Variants in PLCZ1 observed in about 807,000 individuals in gnomAD.
The protein encoded by PLCZ1 is 1-phosphatidylinositol 4,5-bisphosphate phosphodiesterase zeta-1.
A neutral mutation model predicts 76.8 loss-of-function variants in PLCZ1; 64 were observed. The observed-to-expected ratio is 0.83, with a 90% CI of 0.68 to 1.03. The LOEUF (loss-of-function observed/expected upper bound fraction) is 1.03, where lower values mean the gene tolerates loss of function less well. Among genes scored for constraint, PLCZ1 ranks in the 50% least tolerant of loss-of-function variants. The probability of loss-of-function intolerance (pLI) is 0.00; values close to 1 mark genes in which losing one functional copy is unlikely to be tolerated. For missense variants in PLCZ1, 751 were observed against 713.7 expected, an observed-to-expected ratio of 1.05 and a Z score of -0.60; for synonymous variants, 248 against 230.8, an observed-to-expected ratio of 1.07 and a Z score of -0.68.
intron 3 of PLCZ1, among the ~76,000 whole-genome samples, chr12:18,733,253 T>C (rs1180378991): frequency 6.6e-6 from 1 of 152,212 alleles, no homozygotes; most frequent in African/African-American, 2.4e-5. Flanking sequence ...TATAGCTTCT[T>C]TAGGGAAATG....
chr12:18,735,297 T>C (rs1959193585), intron 3 of PLCZ1, among the ~76,000 whole-genome samples: 1 of 152,168 alleles, frequency 6.6e-6, no homozygotes, highest in African/African-American at 2.4e-5. Context: ...CCCTCTTCTA[T>C]TTTTTAGAAG....
At chr12:18,675,039 T>C in the PLCZ1 span, among the ~76,000 whole-genome samples, 2 of 152,334 alleles carry the variant, frequency 1.3e-5, no homozygotes, top group African/African-American at 2.4e-5. Context: ...AGTCTGTAAC[T>C]ACCTTATTCA....
At chr12:18,676,349 A>G in the PLCZ1 span, among the ~76,000 whole-genome samples, 4 of 152,046 alleles carry the variant, frequency 2.6e-5, no homozygotes, top group African/African-American at 9.7e-5. Flanking sequence ...AACTGAAAGA[A>G]TCTAATATAA....
At chr12:18,660,741 T>C in the PLCZ1 span, among the ~76,000 whole-genome samples, 60,081 of 151,856 alleles carry the variant, frequency 0.4, 14,038 homozygotes, top group South Asian at 0.59. Flanking sequence ...TTCATATATA[T>C]AGCTTTCAAC....
intron 12 of PLCZ1, chr12:18,693,683 A>G (rs1419209622): frequency 2.6e-6 from 4 of 1,565,968 alleles, no homozygotes; most frequent in African/African-American, 2.7e-5. Context: ...TGGTGGTGAG[A>G]GAGAAATTCA....
At chr12:18,732,561 T>C (rs1467513743) in intron 3 of PLCZ1, among the ~76,000 whole-genome samples, 1 of 152,214 alleles carries the variant, frequency 6.6e-6, no homozygotes, top group African/African-American at 2.4e-5. Context: ...TGCTGTTCAG[T>C]AGCTCGCTGG....
rs569541538 is a variant in PLCZ1 at position 18,721,942 on chromosome 12, A to G, written c.367+1369T>C. Among the ~76,000 whole-genome samples the G allele has an allele frequency of 7.9e-5, 12 of 152,156 alleles. No individual in the cohort carries two copies. In the South Asian group the frequency reaches 1.7e-3, roughly 21 times the overall value. ...GAAGCCAAAATCTTTATTGTGGCCT[A>G]TAAGAACCTATATGGTTTGATCTCT... On this transcript the variant is annotated intron_variant, in intron 4 of 14. Transcript: ENST00000266505.
chr12:18,652,212 A>G, the PLCZ1 span, among the ~76,000 whole-genome samples: 2 of 152,154 alleles, frequency 1.3e-5, no homozygotes, highest in Non-Finnish European at 2.9e-5. Flanking sequence ...AGATGAGGTC[A>G]TATGGAGTGA....
downstream of PLCZ1, among the ~76,000 whole-genome samples, chr12:18,679,057 G>T (rs547028414): frequency 6.7e-4 from 102 of 152,152 alleles, no homozygotes; most frequent in Middle Eastern, 6.8e-3. Flanking sequence ...ATAGTGTTAA[G>T]TTGCCTTTCT....
chr12:18,721,479 T>TA (rs1347700225), intron 4 of PLCZ1, among the ~76,000 whole-genome samples: 13 of 152,040 alleles, frequency 8.6e-5, no homozygotes, highest in Non-Finnish European at 8.8e-5. Context: ...ATATTGTAGT[T>TA]AAAATGCAAA....
chr12:18,682,063 G>T (rs1565638948), downstream of PLCZ1, among the ~76,000 whole-genome samples: 1 of 152,098 alleles, frequency 6.6e-6, no homozygotes, highest in Middle Eastern at 3.4e-3. Flanking sequence ...CTAAGAATTG[G>T]CTGTGCATCC....
chr12:18,700,583 A>G (rs922687275), intron 9 of PLCZ1, among the ~76,000 whole-genome samples: 8 of 151,156 alleles, frequency 5.3e-5, no homozygotes, highest in African/African-American at 1.9e-4. Flanking sequence ...TTGAAGCTGA[A>G]ATGATATAAA....
At chr12:18,689,294 T>C (rs1286245083) in intron 12 of PLCZ1, among the ~76,000 whole-genome samples, 1 of 152,154 alleles carries the variant, frequency 6.6e-6, no homozygotes, top group South Asian at 2.1e-4. Context: ...AAAAATTATC[T>C]AATTTTGAAA....
At chr12:18,707,913 T>C (rs1956816610) in intron 6 of PLCZ1, among the ~76,000 whole-genome samples, 1 of 152,204 alleles carries the variant, frequency 6.6e-6, no homozygotes, top group Non-Finnish European at 1.5e-5. Context: ...TACAACATGA[T>C]GTTATGGAAC....
the PLCZ1 span, among the ~76,000 whole-genome samples, chr12:18,674,644 G>T: frequency 1.4e-4 from 22 of 152,198 alleles, no homozygotes; most frequent in African/African-American, 4.8e-4. Context: ...GATGAAACAT[G>T]GTCACAAATT....
the PLCZ1 span, among the ~76,000 whole-genome samples, chr12:18,662,615 C>T: frequency 1.5e-3 from 227 of 152,200 alleles, no homozygotes; most frequent in African/African-American, 4.7e-3. Flanking sequence ...TTGTTTTCTA[C>T]ATTATTTAAG....
rs73346928 is a variant in PLCZ1, at chr12:18,713,110, T to C, written c.570-124A>G. The stretch of plus-strand genomic sequence containing the variant: ...ATGCATAAATGAGTCCATAAAACTC[T>C]ATAAAAACTTGTCTTTGGGACAAGT... On this transcript the variant is annotated intron_variant, in intron 5 of 14. Coordinates refer to ENST00000266505, the MANE Select transcript of PLCZ1 (RefSeq NM_033123.4). 2.1e-4 allele frequency: 268 copies of C among 1,293,234 alleles called. No homozygotes were observed. In the African/African-American group the frequency reaches 3.7e-3, roughly 18 times the overall value. 80.1% of individuals were successfully genotyped at this position (1,293,234 alleles called of 1,614,324 possible). A position where few individuals can be genotyped will look rare whatever the true frequency, so the allele number is the denominator to read the frequency against.
intron 3 of PLCZ1, among the ~76,000 whole-genome samples, chr12:18,725,693 A>C (rs1958713749): frequency 6.6e-6 from 1 of 151,986 alleles, no homozygotes; most frequent in Admixed American, 6.6e-5. Flanking sequence ...TCCTCCTTCC[A>C]CCTCACACTT....
At chr12:18,728,758 T>C (rs1958889280) in intron 3 of PLCZ1, among the ~76,000 whole-genome samples, 2 of 152,154 alleles carry the variant, frequency 1.3e-5, no homozygotes, top group African/African-American at 2.4e-5. Flanking sequence ...CAATGGATCA[T>C]TGAACGAGTG....
Sources: allele counts gnomAD v4.1 joint callset (sites outside exome capture counted in the v4.1 genomes callset), GRCh38; gene constraint gnomAD v4.1.1; transcripts MANE v1.5; gene names NCBI Gene and HGNC (gene_info 2026-07-23, HGNC 2026-07-21).